Variants in ZFYVE16 observed in about 807,000 individuals in gnomAD.
ZFYVE16 encodes the protein zinc finger FYVE domain-containing protein 16.
In ZFYVE16, 89 loss-of-function variants were observed where a neutral mutation model predicts 138.1. The observed-to-expected ratio is 0.64, with a 90% CI of 0.54 to 0.77. The LOEUF is 0.77. ZFYVE16 is among the 30% of genes least tolerant of loss of function. ZFYVE16 has a pLI of 0.00. For synonymous variants in ZFYVE16, 596 were observed against 618.3 expected, an observed-to-expected ratio of 0.96 and a Z score of 0.53; for missense variants, 1,793 against 1,786.7, an observed-to-expected ratio of 1.00 and a Z score of -0.06.
At chr5:80,417,976 G>A (rs1746502061) in intron 1 of ZFYVE16, among the ~76,000 whole-genome samples, 1 of 152,162 alleles carries the variant, frequency 6.6e-6, no homozygotes, top group African/African-American at 2.4e-5. Flanking sequence ...TTGTCACAGT[G>A]ACATTCTAGT....
chr5:80,447,891 T>A, intron 7 of ZFYVE16, 135 bp from the exon 8 acceptor site: 2 of 724,974 alleles, frequency 2.8e-6, no homozygotes, highest in Non-Finnish European at 4.1e-6. Context: ...AATTTGACTT[T>A]AAGAGAATTT....
chr5:80,447,758 T>C (rs1454873417), intron 7 of ZFYVE16, among the ~76,000 whole-genome samples: 2 of 152,176 alleles, frequency 1.3e-5, no homozygotes, highest in African/African-American at 4.8e-5. Context: ...TTGCCTCATT[T>C]TTTCCAATCT....
intron 1 of ZFYVE16, among the ~76,000 whole-genome samples, chr5:80,419,410 C>T (rs1480444654): frequency 2.0e-5 from 3 of 152,000 alleles, no homozygotes; most frequent in African/African-American, 7.3e-5. Context: ...TATTGATCTA[C>T]GTGTCTGTTC....
intron 14 of ZFYVE16, among the ~76,000 whole-genome samples, chr5:80,458,679 G>A (rs947551391): frequency 6.6e-6 from 1 of 152,040 alleles, no homozygotes; most frequent in African/African-American, 2.4e-5. Flanking sequence ...GAATAGTTTT[G>A]TATACATGCC....
At chr5:80,439,042 T>A (rs1211294297) in intron 4 of ZFYVE16, 35 bp downstream of exon 4, 1 of 1,554,514 alleles carries the variant, frequency 6.4e-7, no homozygotes, top group African/African-American at 1.4e-5. Flanking sequence ...CTTTTGTTCT[T>A]TTGAGACATT....
chr5:80,476,833 T>TA (rs1420015600), intron 18 of ZFYVE16, among the ~76,000 whole-genome samples: 1 of 152,224 alleles, frequency 6.6e-6, no homozygotes, highest in Non-Finnish European at 1.5e-5. Flanking sequence ...GCACCAATGT[T>TA]AGAGTCTAAT....
At position 80,415,345 on chromosome 5, in the gene ZFYVE16, T is replaced by G. The variant is rs141765421; in HGVS notation, c.-94+7192T>G. 2.6e-3 allele frequency among the ~76,000 whole-genome samples: 393 copies of G among 152,358 alleles called. 2 individuals carry two copies. Among genetic ancestry groups the G allele is most frequent in the African/African-American group, 8.7e-3 (363 of 41,586 alleles). On this transcript the variant is annotated intron_variant, in intron 1 of 18. Coordinates refer to ENST00000505560, the MANE Select transcript of ZFYVE16 (RefSeq NM_001284236.3). ...TTAGTGAACTAGTATTGATACTTTA[T>G]TAACTAAAGGCTATACTTTATTCGC...
rs143073393 is a variant in ZFYVE16 at position 80,436,808 on chromosome 5, C to T, written c.123C>T (p.Cys41=). 38 of 1,614,000 alleles carry T rather than the reference C, an allele frequency of 2.4e-5. No homozygotes were observed. Among genetic ancestry groups the T allele is most frequent in the Non-Finnish European group, 3.1e-5 (37 of 1,180,016 alleles). The change falls in exon 4 of 19, where the codon TGC becomes TGT. Residue 41 remains cysteine, a synonymous_variant. Transcript: ENST00000505560. ...AAAATGCATATGATTCTAACCACTG[C>T]TCAGTTTCTTCAGAGTTGGCTTCCT... ...DVQNAYDSNH[C]SVSSELASSQ...
chr5:80,427,971 C>CATAAAAA (rs1554039899), intron 2 of ZFYVE16, among the ~76,000 whole-genome samples: 1 of 48,104 alleles, frequency 2.1e-5, no homozygotes, highest in Non-Finnish European at 3.1e-5. Flanking sequence ...GACTCCATCT[C>CATAAAAA]AAAAAAAAAA....
chr5:80,415,865 G>A (rs2112875), intron 1 of ZFYVE16, among the ~76,000 whole-genome samples: 1 of 151,424 alleles, frequency 6.6e-6, no homozygotes, highest in Non-Finnish European at 1.5e-5. Flanking sequence ...ACGGGGTTTC[G>A]CCATGTTGAT....
chr5:80,435,775 G>A (rs906003624), intron 3 of ZFYVE16: 3 of 430,806 alleles, frequency 7.0e-6, no homozygotes, highest in African/African-American at 6.2e-5. Flanking sequence ...GGGTCTCACT[G>A]TGTTGCTCAG....
At chr5:80,464,186 T>G (rs1753437708) in intron 15 of ZFYVE16, among the ~76,000 whole-genome samples, 1 of 152,142 alleles carries the variant, frequency 6.6e-6, no homozygotes, top group Non-Finnish European at 1.5e-5. Context: ...TGTATTAGTC[T>G]GTTCTCATGC....
Position 80,422,879 on chromosome 5 carries a change from T to C in ZFYVE16, c.-93-4613T>C, listed in dbSNP as rs57454854. On this transcript the variant is annotated intron_variant, in intron 1 of 18. Transcript: ENST00000505560. ...GCCTTGCATACCTGGATAAATCATA[T>C]TGGTCATGATGTATAATTTTTCAAT... Among the ~76,000 whole-genome samples the C allele has an allele frequency of 9.2e-3, 1,395 of 152,352 alleles. 24 individuals carry two copies. The highest frequency in any genetic ancestry group is 0.033 in the African/African-American group (1,361 of 41,574).
At chr5:80,414,270 C>T (rs551188777) in intron 1 of ZFYVE16, among the ~76,000 whole-genome samples, 2 of 152,282 alleles carry the variant, frequency 1.3e-5, no homozygotes, top group South Asian at 2.1e-4. Context: ...ATCTGTTTTG[C>T]GACATCTTTC....
At chr5:80,435,159 C>T (rs1432096626) in intron 3 of ZFYVE16, among the ~76,000 whole-genome samples, 1 of 152,102 alleles carries the variant, frequency 6.6e-6, no homozygotes, top group Non-Finnish European at 1.5e-5. Flanking sequence ...CTCAGCCTCC[C>T]GAGTAGCTGG....
At chr5:80,462,939 G>C (rs147822727) in intron 15 of ZFYVE16, among the ~76,000 whole-genome samples, 1 of 152,334 alleles carries the variant, frequency 6.6e-6, no homozygotes, top group Non-Finnish European at 1.5e-5. Flanking sequence ...TCACATCCAG[G>C]TCATGCTGAT....
At chr5:80,462,879 A>G (rs1211827162) in intron 15 of ZFYVE16, among the ~76,000 whole-genome samples, 1 of 152,244 alleles carries the variant, frequency 6.6e-6, no homozygotes, top group African/African-American at 2.4e-5. Flanking sequence ...GAAATCCAGC[A>G]GGGCAGTCAA....
At chr5:80,416,924 T>C (rs1199218707) in intron 1 of ZFYVE16, among the ~76,000 whole-genome samples, 4 of 152,190 alleles carry the variant, frequency 2.6e-5, no homozygotes, top group African/African-American at 9.7e-5. Flanking sequence ...GTGTTTATAC[T>C]AACCTGTATT....
intron 1 of ZFYVE16, among the ~76,000 whole-genome samples, chr5:80,420,525 T>C (rs1001958426): frequency 1.3e-5 from 2 of 152,146 alleles, no homozygotes; most frequent in Non-Finnish European, 1.5e-5. Context: ...AATTCCCACC[T>C]ATGAGTGAGA....
Sources: gnomAD v4.1 joint callset for allele counts (sites outside exome capture counted in the v4.1 genomes callset) on GRCh38, gnomAD v4.1.1 for gene constraint, MANE v1.5 for transcripts, NCBI Gene and HGNC (gene_info 2026-07-23, HGNC 2026-07-21) for gene names.